Variants in CEMIP2 observed in about 807,000 individuals in gnomAD.
CEMIP2 encodes cell migration inducing hyaluronidase 2.
In CEMIP2, 79 loss-of-function variants were observed where a neutral mutation model predicts 146.9. The observed-to-expected ratio is 0.54, with a 90% CI of 0.45 to 0.65. The LOEUF is 0.65. CEMIP2 is among the 30% of genes least tolerant of loss of function. CEMIP2 has a pLI of 0.00. For synonymous variants in CEMIP2, 601 were observed against 606.3 expected, an observed-to-expected ratio of 0.99 and a Z score of 0.13; for missense variants, 1,596 against 1,696.2, an observed-to-expected ratio of 0.94 and a Z score of 1.04.
intron 1 of CEMIP2, among the ~76,000 whole-genome samples, chr9:71,755,020 A>G (rs1441462743): frequency 6.6e-6 from 1 of 152,102 alleles, no homozygotes; most frequent in Non-Finnish European, 1.5e-5. Flanking sequence ...TTTAAATTAA[A>G]TTCTTCTCTT....
chr9:71,704,698 A>G lies in CEMIP2; in HGVS notation c.3091T>C (p.Phe1031Leu), dbSNP rs200932802. Reference sequence around the variant, plus strand: ...ATGACGACAGGCTGGTACTGTGGAAAGGCAGCCTTCTGATTAATACCTCGG... The same window carrying G: ...ATGACGACAGGCTGGTACTGTGGAAGGGCAGCCTTCTGATTAATACCTCGG... ...VLRGINQKAA[F>L]PQYQPVVMLE... is the part of the protein sequence containing the mutation. The change falls in exon 18 of 24, where the codon TTT (phenylalanine) becomes CTT (leucine). Residue 1031 changes from phenylalanine to leucine, a missense_variant. Physicochemically the swap from Phe to Leu is conservative, Grantham distance 22 (BLOSUM62 0). Coordinates refer to ENST00000377044, the MANE Select transcript of CEMIP2 (RefSeq NM_013390.3). 1.9e-6 allele frequency: 3 copies of G among 1,614,182 alleles called. No individual in the cohort carries two copies. Among genetic ancestry groups the G allele is most frequent in the South Asian group, 1.1e-5 (1 of 91,076 alleles).
At chr9:71,748,689 G>A (rs1471191297) in intron 2 of CEMIP2, among the ~76,000 whole-genome samples, 3 of 152,228 alleles carry the variant, frequency 2.0e-5, no homozygotes, top group East Asian at 1.9e-4. Context: ...AAGTCATACC[G>A]CATGCAATGG....
chr9:71,747,879 T>C (rs1824133243), intron 2 of CEMIP2, among the ~76,000 whole-genome samples: 1 of 152,224 alleles, frequency 6.6e-6, no homozygotes, highest in Admixed American at 6.5e-5. Flanking sequence ...AATTAGTTTT[T>C]CTCACAGCAG....
chr9:71,693,323 T>C (rs1178207357), intron 21 of CEMIP2, among the ~76,000 whole-genome samples: 1 of 152,186 alleles, frequency 6.6e-6, no homozygotes, highest in Non-Finnish European at 1.5e-5. Flanking sequence ...GTCAACCTGA[T>C]TTTGGACAGG....
At position 71,690,221 on chromosome 9, in the gene CEMIP2, C is replaced by T. The variant is rs370944210; in HGVS notation, c.3722G>A (p.Arg1241Gln). 241 of 1,613,938 alleles carry T rather than the reference C, an allele frequency of 1.5e-4. No individual in the cohort carries two copies. The highest frequency in any genetic ancestry group is 2.0e-4 in the Non-Finnish European group (232 of 1,179,966). The change falls in exon 22 of 24, where the codon CGA becomes CAA. Residue 1241 changes from arginine (R) to glutamine (Q), a missense_variant. Physicochemically the swap from Arg to Gln is conservative, Grantham distance 43 (BLOSUM62 1). Transcript: ENST00000377044. Reference sequence around the variant, plus strand: ...AACAAGGAGGAGGACGCCTGCACTTCGGAAGGTAAAGTCAGTGCCATTGAC... The same window carrying T: ...AACAAGGAGGAGGACGCCTGCACTTTGGAAGGTAAAGTCAGTGCCATTGAC... ...ISVNGTDFTF[R>Q]SAGVLLLVVD...
intron 2 of CEMIP2, among the ~76,000 whole-genome samples, chr9:71,746,887 C>T (rs1824106458): frequency 6.6e-6 from 1 of 152,120 alleles, no homozygotes; most frequent in Non-Finnish European, 1.5e-5. Flanking sequence ...ACTCTCCCAA[C>T]AAAATGAAAG....
chr9:71,738,350 T>C (rs1277532193), intron 5 of CEMIP2, among the ~76,000 whole-genome samples: 1 of 151,990 alleles, frequency 6.6e-6, no homozygotes, highest in African/African-American at 2.4e-5. Context: ...CTGTCTCTAA[T>C]AGAAATACAA....
intron 1 of CEMIP2, among the ~76,000 whole-genome samples, chr9:71,767,052 C>G (rs186312450): frequency 2.7e-4 from 41 of 152,292 alleles, no homozygotes; most frequent in Admixed American, 5.9e-4. Flanking sequence ...TAAAAAGAAC[C>G]CTTTGTATAG....
rs17475375 is a variant in CEMIP2, at chr9:71,690,104, C to T, written c.3839G>A (p.Gly1280Asp). 0.026 allele frequency: 42,222 copies of T among 1,614,036 alleles called. 685 individuals carry two copies. The highest frequency in any genetic ancestry group is 0.031 in the Non-Finnish European group (36,777 of 1,179,952). Residue 1280 changes from glycine (G) to aspartate (D), a missense_variant, in exon 22 of 24, where the codon GGC becomes GAC. Coordinates refer to ENST00000377044, the MANE Select transcript of CEMIP2 (RefSeq NM_013390.3). The part of the protein sequence containing the change: ...VSRIEEYLKT[G>D]IPPRSIVLLS... ...AAGCTTGACCTACCTTGGAGGGATG[C>T]CTGTTTTTAAATACTCTTCAATGCG...
intron 4 of CEMIP2, among the ~76,000 whole-genome samples, chr9:71,742,479 T>C (rs933816353): frequency 2.0e-5 from 3 of 152,154 alleles, no homozygotes; most frequent in Admixed American, 2.0e-4. Context: ...AACATTATCT[T>C]CAAAGGCCTA....
intron 4 of CEMIP2, among the ~76,000 whole-genome samples, chr9:71,741,576 T>A (rs899409841): frequency 1.3e-5 from 2 of 151,842 alleles, no homozygotes; most frequent in Admixed American, 1.3e-4. Context: ...ATACTATATG[T>A]CTATTTGTTG....
chr9:71,767,527 A>G (rs1390145259), intron 1 of CEMIP2, among the ~76,000 whole-genome samples: 1 of 152,256 alleles, frequency 6.6e-6, no homozygotes. Flanking sequence ...GGAGAATTCA[A>G]GTGAGCTGTT....
Position 71,745,198 on chromosome 9 carries a change from A to G in CEMIP2, c.854T>C (p.Phe285Ser), listed in dbSNP as rs1010591166. 26 of 1,614,000 alleles carry G rather than the reference A, an allele frequency of 1.6e-5. No individual in the cohort carries two copies. The highest frequency in any genetic ancestry group is 2.1e-5 in the Non-Finnish European group (25 of 1,180,014). The part of the protein sequence containing the change: ...DTAKILESER[F>S]DTHEYRNESR... ...CTCATTGCGGTATTCATGGGTATCA[A>G]ATCTCTCACTTTCCAAAATTTTGGC... Residue 285 changes from phenylalanine (F) to serine (S), a missense_variant, in exon 4 of 24, where the codon TTT becomes TCT. By Grantham distance (155) the Phe-to-Ser change is radical (BLOSUM62 -2). Coordinates refer to ENST00000377044, the MANE Select transcript of CEMIP2 (RefSeq NM_013390.3).
chr9:71,687,990 G>A (rs546243580), intron 22 of CEMIP2, among the ~76,000 whole-genome samples: 61 of 152,266 alleles, frequency 4.0e-4, no homozygotes, highest in Non-Finnish European at 7.5e-4. Context: ...CTCAGTAGGT[G>A]AGACTACAGG....
At chr9:71,692,926 A>AACG (rs571654582) in intron 21 of CEMIP2, among the ~76,000 whole-genome samples, 367 of 151,768 alleles carry the variant, frequency 2.4e-3, no homozygotes, top group Non-Finnish European at 4.4e-3. Context: ...AACAAACGAC[A>AACG]ACAACAACAA....
In CEMIP2 at chr9:71,747,902, T is replaced by C. The variant is rs145371474; in HGVS notation, c.332-1561A>G. ...TTTCTCACAGCAGTATCATAACTGT[T>C]GATATTTAATGCTTCTGATAAGTCA... On this transcript the variant is annotated intron_variant, in intron 2 of 23. Coordinates refer to ENST00000377044, the MANE Select transcript of CEMIP2 (RefSeq NM_013390.3). 3.1e-4 allele frequency among the ~76,000 whole-genome samples: 47 copies of C among 152,330 alleles called. No homozygotes were observed. In the East Asian group the frequency reaches 8.7e-3, roughly 28 times the overall value.
chr9:71,746,883 C>T (rs1172959894), intron 2 of CEMIP2, among the ~76,000 whole-genome samples: 1 of 152,102 alleles, frequency 6.6e-6, no homozygotes, highest in African/African-American at 2.4e-5. Flanking sequence ...GTGCACTCTC[C>T]CAACAAAATG....
chr9:71,694,994 T>C (rs1288345183), intron 20 of CEMIP2, among the ~76,000 whole-genome samples: 1 of 152,168 alleles, frequency 6.6e-6, no homozygotes, highest in Non-Finnish European at 1.5e-5. Flanking sequence ...GAAGTGTAGA[T>C]AACAAGGACT....
chr9:71,705,837 G>A (rs997724582), intron 17 of CEMIP2, among the ~76,000 whole-genome samples: 2 of 151,720 alleles, frequency 1.3e-5, no homozygotes, highest in Admixed American at 6.6e-5. Flanking sequence ...ATAGGAGGCT[G>A]TACATACACT....
Sources: allele counts gnomAD v4.1 joint callset (sites outside exome capture counted in the v4.1 genomes callset), GRCh38; gene constraint gnomAD v4.1.1; transcripts MANE v1.5; gene names NCBI Gene and HGNC (gene_info 2026-07-23, HGNC 2026-07-21).